Variants in TMEM71 observed in about 807,000 individuals in gnomAD.
TMEM71 encodes transmembrane protein 71.
A neutral mutation model predicts 38.0 loss-of-function variants in TMEM71; 44 were observed. The ratio of observed to expected loss-of-function variants is 1.16; its 90% confidence interval spans 0.91 to 1.49. TMEM71 has a LOEUF of 1.49. TMEM71 is among the 40% of genes most tolerant of loss of function. The pLI is 0.00. For synonymous variants in TMEM71, 133 were observed against 122.5 expected, an observed-to-expected ratio of 1.09 and a Z score of -0.56; for missense variants, 367 against 348.6, an observed-to-expected ratio of 1.05 and a Z score of -0.42.
chr8:132,772,064 T>C, the TMEM71 span, among the ~76,000 whole-genome samples: 1 of 152,238 alleles, frequency 6.6e-6, no homozygotes, highest in African/African-American at 2.4e-5. Flanking sequence ...TGAACTGCTT[T>C]GATTTTCTTT....
At chr8:132,707,731 GAT>G (rs1309778602), downstream of TMEM71, among the ~76,000 whole-genome samples, 5 of 152,290 alleles carry the variant, frequency 3.3e-5, no homozygotes, top group African/African-American at 1.2e-4. Context: ...CACAGTCTGT[GAT>G]ATTCTGGTAC....
chr8:132,706,042 C>T (rs1360009471), downstream of TMEM71, among the ~76,000 whole-genome samples: 1 of 152,114 alleles, frequency 6.6e-6, no homozygotes, highest in Non-Finnish European at 1.5e-5. Flanking sequence ...GAGGAGGAGA[C>T]ACTGGATCTT....
chr8:132,723,766 A>T (rs1563745152), intron 6 of TMEM71, among the ~76,000 whole-genome samples: 2 of 152,022 alleles, frequency 1.3e-5, no homozygotes, highest in East Asian at 3.9e-4. Flanking sequence ...GAAGTGACTG[A>T]TTTTTTCTGA....
At position 132,722,125 on chromosome 8, in the gene TMEM71, A is replaced by G; in HGVS notation, c.677-10T>C. 7.5e-6 allele frequency: 12 copies of G among 1,604,118 alleles called. No individual in the cohort carries two copies. The highest frequency in any genetic ancestry group is 1.0e-5 in the Non-Finnish European group (12 of 1,171,144). On this transcript the variant is annotated splice_polypyrimidine_tract_variant and intron_variant, in intron 6 of 9. Coordinates refer to ENST00000677595, the MANE Select transcript of TMEM71 (RefSeq NM_001382403.1). Reference sequence around the variant, plus strand: ...TGCAACAACCTGGTTTCTAATAGGAAGAACAAAAACAAATAAATTAGAAAT... The same window carrying G: ...TGCAACAACCTGGTTTCTAATAGGAGGAACAAAAACAAATAAATTAGAAAT...
chr8:132,719,914 A>G (rs1392191836), intron 7 of TMEM71, among the ~76,000 whole-genome samples: 1 of 152,062 alleles, frequency 6.6e-6, no homozygotes, highest in African/African-American at 2.4e-5. Context: ...GTCACCACAT[A>G]TGTTTAGTCA....
In TMEM71 at chr8:132,728,065, T is replaced by C. The variant is rs1247317266; in HGVS notation, c.488-79A>G. The C allele has an allele frequency of 5.4e-6, 6 of 1,102,570 alleles. No individual in the cohort carries two copies. The East Asian group carries it at 1.2e-4, about 23-fold the overall frequency. The allele number at this position is 1,102,570 out of a possible 1,614,324, so 68.3% of individuals were successfully genotyped here. A position where few individuals can be genotyped will look rare whatever the true frequency, so the allele number is the denominator to read the frequency against. On this transcript the variant is annotated intron_variant, in intron 5 of 9. Coordinates refer to ENST00000677595, the MANE Select transcript of TMEM71 (RefSeq NM_001382403.1). ...GTGTGTGTGTTCAGTGACTGCTCAATGCACAGTTAGTTCCTAATAATCACA... is the reference window on the plus strand; with the variant it reads ...GTGTGTGTGTTCAGTGACTGCTCAACGCACAGTTAGTTCCTAATAATCACA...
chr8:132,707,298 T>TGGAA (rs1826108076), downstream of TMEM71, among the ~76,000 whole-genome samples: 1 of 152,198 alleles, frequency 6.6e-6, no homozygotes, highest in Admixed American at 6.5e-5. Context: ...GTGAGGATGT[T>TGGAA]GGAAGGGGCA....
chr8:132,751,623 A>G (rs1828713258), intron 4 of TMEM71, among the ~76,000 whole-genome samples, 162 bp downstream of exon 4: 1 of 151,546 alleles, frequency 6.6e-6, no homozygotes, highest in Non-Finnish European at 1.5e-5. Flanking sequence ...AAATTAATGG[A>G]TGGATTGACC....
intron 6 of TMEM71, 114 bp from the exon 7 acceptor site, chr8:132,722,229 G>A (rs1249277560): frequency 1.5e-5 from 11 of 716,086 alleles, no homozygotes; most frequent in Admixed American, 2.7e-5. Context: ...AAAAAGTTTT[G>A]GAATGTATGT....
In TMEM71 at chr8:132,710,968, C is replaced by G. The variant is rs147833037; in HGVS notation, c.887G>C (p.Ter296SerextTer44). Reference protein sequence around the residue: ...TTACARFVKI* With the variant: ...TTACARFVKIS Reference sequence around the variant, plus strand: ...ATCGAAGGCATTCCTAAATGGTTGTCAAATTTTGACAAACCTAGATTGGAG... The same window carrying G: ...ATCGAAGGCATTCCTAAATGGTTGTGAAATTTTGACAAACCTAGATTGGAG... Residue 296 changes from the stop codon to serine (S), a stop_lost, in exon 10 of 10, where the codon TGA (stop) becomes TCA (serine). Coordinates refer to ENST00000677595, the MANE Select transcript of TMEM71 (RefSeq NM_001382403.1). The G allele has an allele frequency of 6.2e-7, 1 of 1,605,896 alleles. No individual in the cohort carries two copies. The highest frequency in any genetic ancestry group is 8.5e-7 in the Non-Finnish European group (1 of 1,177,618).
At chr8:132,745,787 A>G (rs1207723358) in intron 5 of TMEM71, among the ~76,000 whole-genome samples, 1 of 151,932 alleles carries the variant, frequency 6.6e-6, no homozygotes, top group Non-Finnish European at 1.5e-5. Flanking sequence ...ATCAACATTG[A>G]ATTGAATGAA....
intron 6 of TMEM71, among the ~76,000 whole-genome samples, chr8:132,726,807 C>T (rs562199950): frequency 6.6e-6 from 1 of 151,972 alleles, no homozygotes; most frequent in African/African-American, 2.4e-5. Flanking sequence ...TTGTCAGAAG[C>T]ATAGCATTAA....
rs192061509 is a variant in TMEM71 at position 132,759,740 on chromosome 8, T to C, written c.-37+736A>G. Among the ~76,000 whole-genome samples, 177 of 152,268 alleles carry C rather than the reference T, an allele frequency of 1.2e-3. 1 individual carries two copies. Among genetic ancestry groups the C allele is most frequent in the African/African-American group, 4.1e-3 (172 of 41,552 alleles). On this transcript the variant is annotated intron_variant, in intron 1 of 9. Transcript: ENST00000677595. The stretch of plus-strand genomic sequence containing the variant: ...TTGTAACATGAGAACTAGTAATGGA[T>C]TGTTTTTGTAGCTGTAATTCAATCA...
intron 6 of TMEM71, among the ~76,000 whole-genome samples, chr8:132,725,788 A>G (rs1827111885): frequency 6.6e-6 from 1 of 152,216 alleles, no homozygotes; most frequent in Admixed American, 6.5e-5. Context: ...GAGAAGGTGC[A>G]TAGAGGTGGT....
chr8:132,747,876 A>G (rs1276299432), intron 4 of TMEM71, among the ~76,000 whole-genome samples: 1 of 152,234 alleles, frequency 6.6e-6, no homozygotes, highest in Non-Finnish European at 1.5e-5. Context: ...TGTTGGAACA[A>G]TGGGAGACCT....
At chr8:132,709,186 A>G (rs2060130471), downstream of TMEM71, among the ~76,000 whole-genome samples, 2 of 152,214 alleles carry the variant, frequency 1.3e-5, no homozygotes, top group African/African-American at 4.8e-5. Context: ...GAAATTCTCA[A>G]TGGAAGTTCT....
chr8:132,729,162 T>C (rs1405025797), intron 5 of TMEM71, among the ~76,000 whole-genome samples: 2 of 152,276 alleles, frequency 1.3e-5, no homozygotes, highest in African/African-American at 2.4e-5. Flanking sequence ...GTGTCTTCAA[T>C]GTGAGGTCAC....
intron 6 of TMEM71, among the ~76,000 whole-genome samples, chr8:132,723,404 A>G (rs1826957979): frequency 6.6e-6 from 1 of 152,182 alleles, no homozygotes; most frequent in Non-Finnish European, 1.5e-5. Context: ...CAAAGATATG[A>G]GTTGTGTGAT....
intron 4 of TMEM71, among the ~76,000 whole-genome samples, chr8:132,749,670 G>A (rs952631286): frequency 4.6e-5 from 7 of 152,188 alleles, no homozygotes; most frequent in Admixed American, 1.3e-4. Context: ...CTGCTTCAAG[G>A]TGGGTCACCA....
Sources: gnomAD v4.1 joint callset for allele counts (sites outside exome capture counted in the v4.1 genomes callset) on GRCh38, gnomAD v4.1.1 for gene constraint, MANE v1.5 for transcripts, NCBI Gene and HGNC (gene_info 2026-07-23, HGNC 2026-07-21) for gene names.